The following RDX variants were observed in gnomAD, a reference collection of about 807,000 sequenced individuals.
The protein encoded by RDX is radixin.
A neutral mutation model predicts 83.7 loss-of-function variants in RDX; 32 were observed. The observed-to-expected ratio is 0.38, with a 90% CI of 0.29 to 0.51. The LOEUF (loss-of-function observed/expected upper bound fraction) is 0.51. RDX is among the 20% of genes least tolerant of loss of function. The pLI, the probability that RDX is intolerant of heterozygous loss-of-function variation, is 0.87. For synonymous variants in RDX, 229 were observed against 222.7 expected (o/e 1.03, Z -0.25); for missense variants, 600 against 689.9 (o/e 0.87, Z 1.46).
intron 15 of RDX, chr11:110,185,333 T>C (rs1227635458): frequency 6.6e-6 from 1 of 152,236 alleles, no homozygotes; most frequent in East Asian, 1.9e-4. Context: ...CAGCCCCAGG[T>C]TAGCAAAGGA....
At chr11:110,219,875 G>A (rs1014448397) in intron 14 of RDX, among the ~76,000 whole-genome samples, 1 of 152,158 alleles carries the variant, frequency 6.6e-6, no homozygotes, top group Non-Finnish European at 1.5e-5. Flanking sequence ...AAGTTTTTCA[G>A]TCTACAGGTG....
At chr11:110,285,943 A>T (rs999699866) in intron 1 of RDX, among the ~76,000 whole-genome samples, 6 of 152,002 alleles carry the variant, frequency 3.9e-5, no homozygotes, top group Non-Finnish European at 5.9e-5. Flanking sequence ...ATAATAATAA[A>T]AAATAAATTG....
At chr11:110,220,509 A>C (rs1864206060) in intron 14 of RDX, among the ~76,000 whole-genome samples, 1 of 152,072 alleles carries the variant, frequency 6.6e-6, no homozygotes, top group African/African-American at 2.4e-5. Context: ...CAGCTATCCC[A>C]AAGATTTCTC....
intron 5 of RDX, among the ~76,000 whole-genome samples, chr11:110,262,441 CA>C (rs1383801324): frequency 6.6e-6 from 1 of 151,816 alleles, no homozygotes; most frequent in African/African-American, 2.4e-5. Context: ...AAAAATTAGC[CA>C]GGTGTGGTTG....
intron 13 of RDX, 21 bp from the exon 14 acceptor site, chr11:110,232,054 A>G (rs1864659140): frequency 6.3e-6 from 10 of 1,577,684 alleles, no homozygotes; most frequent in South Asian, 4.5e-5. Flanking sequence ...AATAAAAAGT[A>G]CAACTATTAT....
intron 14 of RDX, among the ~76,000 whole-genome samples, chr11:110,208,921 A>G (rs1370947464): frequency 6.6e-6 from 1 of 152,158 alleles, no homozygotes; most frequent in African/African-American, 2.4e-5. Context: ...ACGTCATTAC[A>G]CTCTAGCCTG....
chr11:110,275,174 C>T (rs1047174340), intron 2 of RDX, among the ~76,000 whole-genome samples: 10 of 152,170 alleles, frequency 6.6e-5, no homozygotes, highest in Non-Finnish European at 5.9e-5. Context: ...CATTTCTGTA[C>T]ATGGCATGTG....
chr11:110,273,288 T>C (rs1440373824), intron 2 of RDX, among the ~76,000 whole-genome samples: 1 of 152,266 alleles, frequency 6.6e-6, no homozygotes, highest in Non-Finnish European at 1.5e-5. Flanking sequence ...TGAATGTGAT[T>C]CACTATCCCA....
chr11:110,208,539 G>A (rs1591512169), intron 14 of RDX, among the ~76,000 whole-genome samples: 1 of 152,090 alleles, frequency 6.6e-6, no homozygotes, highest in African/African-American at 2.4e-5. Context: ...CACCTATTGG[G>A]TGGCTTAAAA....
At chr11:110,249,935 G>A (rs991799149) in intron 9 of RDX, among the ~76,000 whole-genome samples, 2 of 152,124 alleles carry the variant, frequency 1.3e-5, no homozygotes, top group African/African-American at 4.8e-5. Flanking sequence ...CTCCATCTCT[G>A]TTCTGGAGTT....
intron 10 of RDX, among the ~76,000 whole-genome samples, chr11:110,246,483 A>C (rs549820338): frequency 2.0e-5 from 3 of 152,296 alleles, no homozygotes; most frequent in Non-Finnish European, 2.9e-5. Flanking sequence ...CATTCAAAGA[A>C]AATGCCCAGG....
At chr11:110,249,781 C>T (rs1179833458) in intron 9 of RDX, among the ~76,000 whole-genome samples, 1 of 152,064 alleles carries the variant, frequency 6.6e-6, no homozygotes, top group Non-Finnish European at 1.5e-5. Context: ...GGCTAAGGTG[C>T]GAGGATCACT....
intron 14 of RDX, chr11:110,199,783 G>A: frequency 1.4e-6 from 1 of 694,682 alleles, no homozygotes; most frequent in East Asian, 2.7e-5. Context: ...CAACATCAGG[G>A]CGCTCTTGTC....
chr11:110,192,929 T>C (rs1863130612), intron 15 of RDX, among the ~76,000 whole-genome samples: 1 of 152,046 alleles, frequency 6.6e-6, no homozygotes, highest in African/African-American at 2.4e-5. Context: ...GAATATAAAT[T>C]AGTTCAGCCA....
intron 10 of RDX, among the ~76,000 whole-genome samples, chr11:110,246,070 A>G (rs1431832404): frequency 1.3e-5 from 2 of 151,856 alleles, no homozygotes; most frequent in Non-Finnish European, 2.9e-5. Context: ...GCTCACTTTT[A>G]TTTTTCGGAG....
intron 1 of RDX, among the ~76,000 whole-genome samples, chr11:110,283,282 T>C (rs1333898910): frequency 6.6e-6 from 1 of 152,082 alleles, no homozygotes; most frequent in African/African-American, 2.4e-5. Flanking sequence ...GCCTCCCAAG[T>C]AGCTGGGATT....
At chr11:110,221,116 A>C (rs1864232853) in intron 14 of RDX, among the ~76,000 whole-genome samples, 1 of 152,122 alleles carries the variant, frequency 6.6e-6, no homozygotes, top group South Asian at 2.1e-4. Context: ...GCCCTTCTGA[A>C]TCTCTCTGGT....
chr11:110,237,813 C>T (rs1473291267), intron 10 of RDX, 161 bp from the exon 11 acceptor site: 2 of 822,634 alleles, frequency 2.4e-6, no homozygotes, highest in African/African-American at 1.7e-5. Context: ...GACAGGGTCT[C>T]GCTCTGTTGC....
At chr11:110,200,934 T>C (rs1307454450) in intron 14 of RDX, among the ~76,000 whole-genome samples, 1 of 152,082 alleles carries the variant, frequency 6.6e-6, no homozygotes, top group African/African-American at 2.4e-5. Context: ...TTCCAGCACT[T>C]TGGGAGGCCG....
Sources: allele counts gnomAD v4.1 joint callset (sites outside exome capture counted in the v4.1 genomes callset), GRCh38; gene constraint gnomAD v4.1.1; transcripts MANE v1.5; gene names NCBI Gene and HGNC (gene_info 2026-07-23, HGNC 2026-07-21).